Variants in MGAT4C observed in about 807,000 individuals in gnomAD.
MGAT4C encodes MGAT4 family member C.
MGAT4C carries 19 observed loss-of-function variants against 40.1 expected under a neutral mutation model. That is an observed-to-expected ratio of 0.47 (90% CI 0.33 to 0.70). The LOEUF (loss-of-function observed/expected upper bound fraction) is 0.70, where lower values mean the gene tolerates loss of function less well. Ranked by LOEUF, MGAT4C falls within the 30% of genes least tolerant of loss-of-function variation. The pLI is 0.02. For synonymous variants in MGAT4C, 181 were observed against 187.1 expected (o/e 0.97, Z 0.27); for missense variants, 491 against 563.2 (o/e 0.87, Z 1.30).
chr12:86,151,870 C>G (rs1393126118), intron 1 of MGAT4C, among the ~76,000 whole-genome samples: 1 of 152,218 alleles, frequency 6.6e-6, no homozygotes, highest in Admixed American at 6.5e-5. Flanking sequence ...ATCACTAAGG[C>G]TATTCTATAA....
chr12:86,496,259 A>T (rs1958232528), intron 2 of MGAT4C, among the ~76,000 whole-genome samples: 1 of 151,970 alleles, frequency 6.6e-6, no homozygotes, highest in Non-Finnish European at 1.5e-5. Context: ...GAGCAATAAA[A>T]GAATTTTGAT....
chr12:86,801,233 A>C (rs532594953), intron 1 of MGAT4C, among the ~76,000 whole-genome samples: 1 of 151,874 alleles, frequency 6.6e-6, no homozygotes, highest in African/African-American at 2.4e-5. Context: ...AACGTCATAT[A>C]TTTGCAGGAA....
chr12:86,343,746 T>C (rs1438487376), intron 3 of MGAT4C, among the ~76,000 whole-genome samples: 5 of 152,208 alleles, frequency 3.3e-5, no homozygotes, highest in African/African-American at 9.6e-5. Flanking sequence ...ATCTTATCTA[T>C]CGATCTTCCC....
chr12:86,433,111 G>A (rs112909280), intron 3 of MGAT4C, among the ~76,000 whole-genome samples: 42 of 151,988 alleles, frequency 2.8e-4, no homozygotes, highest in African/African-American at 9.6e-4. Flanking sequence ...AAAATGGTAG[G>A]ATATCCTGCT....
chr12:86,359,579 G>T (rs1955406725), intron 3 of MGAT4C, among the ~76,000 whole-genome samples: 1 of 151,812 alleles, frequency 6.6e-6, no homozygotes, highest in South Asian at 2.1e-4. Context: ...TGGATAGACT[G>T]CTAGCAAGAC....
intron 2 of MGAT4C, among the ~76,000 whole-genome samples, chr12:86,565,101 T>C (rs959794724): frequency 6.6e-6 from 1 of 152,174 alleles, no homozygotes; most frequent in Admixed American, 6.5e-5. Flanking sequence ...CATATGAATA[T>C]GGGTCATCAA....
chr12:86,439,265 A>G (rs1957187649), intron 2 of MGAT4C, among the ~76,000 whole-genome samples: 1 of 152,074 alleles, frequency 6.6e-6, no homozygotes, highest in South Asian at 2.1e-4. Context: ...ACTTGAAACA[A>G]TATCAAGTAT....
chr12:86,273,205 G>T (rs979705480), intron 4 of MGAT4C, among the ~76,000 whole-genome samples: 1 of 152,108 alleles, frequency 6.6e-6, no homozygotes, highest in African/African-American at 2.4e-5. Context: ...TAAATTACTG[G>T]ATTACAATTC....
intron 1 of MGAT4C, among the ~76,000 whole-genome samples, chr12:86,113,985 G>A (rs1203993862): frequency 6.6e-6 from 1 of 151,846 alleles, no homozygotes; most frequent in Middle Eastern, 3.2e-3. Flanking sequence ...AAAGCATGCT[G>A]TCACCTCTAA....
At chr12:86,771,872 T>A (rs1318406796) in intron 1 of MGAT4C, among the ~76,000 whole-genome samples, 1 of 152,114 alleles carries the variant, frequency 6.6e-6, no homozygotes, top group African/African-American at 2.4e-5. Flanking sequence ...TAGTGTTTTG[T>A]GGAAAATAGA....
chr12:86,510,505 G>A (rs1958555899), intron 2 of MGAT4C, among the ~76,000 whole-genome samples: 1 of 152,118 alleles, frequency 6.6e-6, no homozygotes, highest in Non-Finnish European at 1.5e-5. Context: ...AACCTTAAAT[G>A]TAAATGGGCT....
intron 3 of MGAT4C, among the ~76,000 whole-genome samples, chr12:86,384,407 G>A (rs1956014356): frequency 6.6e-6 from 1 of 152,132 alleles, no homozygotes; most frequent in African/African-American, 2.4e-5. Flanking sequence ...CATCTTTAGG[G>A]ACACTGATTG....
intron 2 of MGAT4C, among the ~76,000 whole-genome samples, chr12:86,481,603 C>T (rs1957938752): frequency 6.6e-6 from 1 of 151,864 alleles, no homozygotes; most frequent in Non-Finnish European, 1.5e-5. Flanking sequence ...ACATGTCCAG[C>T]AATATGGATA....
At chr12:86,169,350 G>C (rs903079416) in intron 1 of MGAT4C, among the ~76,000 whole-genome samples, 1 of 151,964 alleles carries the variant, frequency 6.6e-6, no homozygotes, top group African/African-American at 2.4e-5. Flanking sequence ...TGCTATATCT[G>C]TCCTAAGTCA....
At chr12:86,409,335 C>G (rs773328530) in intron 3 of MGAT4C, among the ~76,000 whole-genome samples, 1 of 151,974 alleles carries the variant, frequency 6.6e-6, no homozygotes, top group African/African-American at 2.4e-5. Context: ...ATGCCAAGAG[C>G]GTAATGATAA....
chr12:86,269,365 T>G (rs1952885271), intron 4 of MGAT4C, among the ~76,000 whole-genome samples: 1 of 151,678 alleles, frequency 6.6e-6, no homozygotes. Flanking sequence ...AAGTTTATTT[T>G]TTTTTCTTTT....
intron 1 of MGAT4C, among the ~76,000 whole-genome samples, chr12:86,762,942 G>A (rs182444725): frequency 6.6e-6 from 1 of 152,194 alleles, no homozygotes; most frequent in Admixed American, 6.5e-5. Context: ...ATCACGTTAT[G>A]ACACATGTTT....
At chr12:86,832,023 T>C (rs1286026696) in intron 1 of MGAT4C, among the ~76,000 whole-genome samples, 1 of 151,838 alleles carries the variant, frequency 6.6e-6, no homozygotes, top group Non-Finnish European at 1.5e-5. Context: ...GGTGCTGGCC[T>C]ACTTTTCAAG....
chr12:86,530,474 T>A (rs1199816181), intron 2 of MGAT4C, among the ~76,000 whole-genome samples: 2 of 151,982 alleles, frequency 1.3e-5, no homozygotes, highest in Non-Finnish European at 2.9e-5. Context: ...ATAAATAAAA[T>A]GAATATATTC....
Sources: gnomAD v4.1 joint callset for allele counts (sites outside exome capture counted in the v4.1 genomes callset) on GRCh38, gnomAD v4.1.1 for gene constraint, MANE v1.5 for transcripts, NCBI Gene and HGNC (gene_info 2026-07-23, HGNC 2026-07-21) for gene names.